Variants in NLGN1 observed in about 807,000 individuals in gnomAD.
NLGN1 encodes neuroligin 1.
NLGN1 carries 12 observed loss-of-function variants against 65.5 expected under a neutral mutation model. The ratio of observed to expected loss-of-function variants is 0.18; its 90% CI spans 0.12 to 0.30. NLGN1 has a LOEUF of 0.30. NLGN1 is among the 10% of genes least tolerant of loss of function. The probability of loss-of-function intolerance (pLI) is 1.00; values close to 1 mark genes in which losing one functional copy is unlikely to be tolerated. For missense variants in NLGN1, 750 were observed against 1,007.1 expected, an observed-to-expected ratio of 0.74 and a Z score of 3.46; for synonymous variants, 350 against 359.5, an observed-to-expected ratio of 0.97 and a Z score of 0.30.
chr3:174,217,978 T>C (rs1334416409), intron 4 of NLGN1, among the ~76,000 whole-genome samples: 1 of 151,918 alleles, frequency 6.6e-6, no homozygotes, highest in Non-Finnish European at 1.5e-5. Flanking sequence ...AGAAGTAGAG[T>C]TTTGCAATTT....
At chr3:173,638,399 AC>A (rs1224226041) in intron 3 of NLGN1, among the ~76,000 whole-genome samples, 5 of 147,546 alleles carry the variant, frequency 3.4e-5, no homozygotes, top group Admixed American at 2.0e-4. Context: ...AAAAAAAAAA[AC>A]CCAATAAATT....
intron 2 of NLGN1, among the ~76,000 whole-genome samples, chr3:173,484,978 T>TA (rs974398939): frequency 6.6e-6 from 1 of 152,040 alleles, no homozygotes; most frequent in Non-Finnish European, 1.5e-5. Context: ...ACTTTGCTGA[T>TA]AAAGACTTAC....
intron 4 of NLGN1, among the ~76,000 whole-genome samples, chr3:173,967,161 CT>C (rs1456072980): frequency 2.0e-5 from 3 of 152,158 alleles, no homozygotes; most frequent in Admixed American, 1.3e-4. Context: ...GGCGAAGCAG[CT>C]GACAGACTAG....
intron 3 of NLGN1, among the ~76,000 whole-genome samples, chr3:173,798,999 CTT>C (rs1178004533): frequency 3.3e-5 from 5 of 151,922 alleles, no homozygotes; most frequent in Admixed American, 6.6e-5. Flanking sequence ...TCGGAAAAGA[CTT>C]AGAAATTTTG....
intron 2 of NLGN1, among the ~76,000 whole-genome samples, chr3:173,461,661 A>T (rs1307759821): frequency 1.3e-5 from 2 of 150,836 alleles, no homozygotes; most frequent in African/African-American, 2.4e-5. Flanking sequence ...GTGATTTAGT[A>T]AACAAATATT....
intron 3 of NLGN1, among the ~76,000 whole-genome samples, chr3:173,749,774 T>G (rs1369655775): frequency 6.6e-6 from 1 of 152,146 alleles, no homozygotes; most frequent in Non-Finnish European, 1.5e-5. Context: ...TCTTTAGTGA[T>G]GACTAATACA....
chr3:174,090,432 C>T (rs558382925), intron 4 of NLGN1, among the ~76,000 whole-genome samples: 1 of 152,052 alleles, frequency 6.6e-6, no homozygotes, highest in South Asian at 2.1e-4. Context: ...GAGATCGCAC[C>T]ACTGCACTCT....
intron 3 of NLGN1, among the ~76,000 whole-genome samples, chr3:173,793,972 T>C (rs1372016047): frequency 6.6e-6 from 1 of 152,110 alleles, no homozygotes; most frequent in African/African-American, 2.4e-5. Flanking sequence ...TGTCTGGCTC[T>C]TTGTCCTCAT....
intron 3 of NLGN1, among the ~76,000 whole-genome samples, chr3:173,698,438 C>T (rs756363422): frequency 3.3e-5 from 5 of 152,104 alleles, no homozygotes; most frequent in Admixed American, 2.0e-4. Flanking sequence ...GGCTTCTGGT[C>T]GTCTGATGCA....
intron 4 of NLGN1, among the ~76,000 whole-genome samples, chr3:173,856,626 GA>G (rs1324054550): frequency 6.6e-6 from 1 of 152,096 alleles, no homozygotes; most frequent in Non-Finnish European, 1.5e-5. Flanking sequence ...GGCCCAAGCT[GA>G]AATTCAAAAC....
At chr3:174,263,253 T>C (rs1747318145) in intron 4 of NLGN1, among the ~76,000 whole-genome samples, 1 of 148,262 alleles carries the variant, frequency 6.7e-6, no homozygotes, top group Non-Finnish European at 1.5e-5. Flanking sequence ...ACTTTCTGTC[T>C]CGTTGATCTG....
intron 4 of NLGN1, among the ~76,000 whole-genome samples, chr3:173,943,838 G>A (rs1196435472): frequency 6.6e-6 from 1 of 152,142 alleles, no homozygotes; most frequent in African/African-American, 2.4e-5. Flanking sequence ...AGAAAGCAAC[G>A]TTGTATTTCT....
chr3:173,682,344 C>G (rs1764058041), intron 3 of NLGN1, among the ~76,000 whole-genome samples: 1 of 151,994 alleles, frequency 6.6e-6, no homozygotes, highest in African/African-American at 2.4e-5. Context: ...AATCCCAGCA[C>G]TTTGGAAGGC....
chr3:173,477,060 C>T (rs997558024), intron 2 of NLGN1, among the ~76,000 whole-genome samples: 17 of 151,976 alleles, frequency 1.1e-4, no homozygotes, highest in African/African-American at 3.9e-4. Context: ...CTTTAATGAC[C>T]TAGTGAAATG....
chr3:174,276,933 C>T (rs191742693), intron 5 of NLGN1, among the ~76,000 whole-genome samples: 2 of 151,818 alleles, frequency 1.3e-5, no homozygotes, highest in East Asian at 3.9e-4. Flanking sequence ...TTCTCAGGGT[C>T]GCTTGCTCAA....
intron 4 of NLGN1, among the ~76,000 whole-genome samples, chr3:173,927,389 G>A (rs1743204397): frequency 6.6e-6 from 1 of 152,092 alleles, no homozygotes; most frequent in African/African-American, 2.4e-5. Context: ...GTATTTAAAA[G>A]TGTAGAGTTT....
At chr3:173,567,381 G>A (rs1743856254) in intron 2 of NLGN1, among the ~76,000 whole-genome samples, 2 of 151,908 alleles carry the variant, frequency 1.3e-5, no homozygotes, top group Non-Finnish European at 2.9e-5. Context: ...TGGAAAAAAT[G>A]AAATATTTTG....
intron 1 of NLGN1, among the ~76,000 whole-genome samples, chr3:173,413,349 C>G (rs1342455108): frequency 6.6e-6 from 1 of 151,954 alleles, no homozygotes; most frequent in African/African-American, 2.4e-5. Context: ...TGCCTGTAAC[C>G]CCAGCACTTT....
At chr3:173,918,469 CTAAAAA>C (rs1159893798) in intron 4 of NLGN1, among the ~76,000 whole-genome samples, 1 of 151,804 alleles carries the variant, frequency 6.6e-6, no homozygotes, top group East Asian at 1.9e-4. Context: ...ACTCTATCTA[CTAAAAA>C]TACAAAGATT....
Sources: allele counts gnomAD v4.1 joint callset (sites outside exome capture counted in the v4.1 genomes callset), GRCh38; gene constraint gnomAD v4.1.1; transcripts MANE v1.5; gene names NCBI Gene and HGNC (gene_info 2026-07-23, HGNC 2026-07-21).